Variants in SCP2 observed in about 807,000 individuals in gnomAD.
SCP2 encodes the protein SCP-2/3-oxoacyl-CoA thiolase.
A neutral mutation model predicts 71.4 loss-of-function variants in SCP2; 48 were observed. The ratio of observed to expected loss-of-function variants is 0.67; its 90% CI spans 0.53 to 0.86. The LOEUF is 0.86. Ranked by LOEUF, SCP2 falls within the 40% of genes least tolerant of loss-of-function variation. The pLI, the probability that SCP2 is intolerant of heterozygous loss-of-function variation, is 0.00. For missense variants in SCP2, 560 were observed against 655.6 expected, an observed-to-expected ratio of 0.85 and a Z score of 1.59; for synonymous variants, 220 against 218.1, an observed-to-expected ratio of 1.01 and a Z score of -0.08.
Position 52,996,039 on chromosome 1 carries a change from A to G in SCP2, c.1081+7903A>G, listed in dbSNP as rs1029331904. On this transcript the variant is annotated intron_variant, in intron 11 of 15. Transcript: ENST00000371514. The stretch of plus-strand genomic sequence containing the variant: ...AGAGGAGGCCTAAGGCAGAGCCCCC[A>G]TCGCCTCAGGCTTCTCAGTTCCCTT... The G allele has an allele frequency of 5.5e-6, 7 of 1,283,986 alleles. No homozygotes were observed. The African/African-American group carries it at 7.6e-5, about 14-fold the overall frequency. The allele number at this position is 1,283,986 out of a possible 1,614,324, so 79.5% of individuals were successfully genotyped here.
chr1:52,966,842 G>A (rs1350190770), intron 6 of SCP2, among the ~76,000 whole-genome samples: 1 of 152,010 alleles, frequency 6.6e-6, no homozygotes, highest in East Asian at 1.9e-4. Flanking sequence ...GCAGTGAGCC[G>A]AGATCATGCC....
intron 11 of SCP2, among the ~76,000 whole-genome samples, chr1:52,991,388 T>A (rs1364784832): frequency 1.5e-5 from 2 of 137,114 alleles, no homozygotes; most frequent in Non-Finnish European, 2.9e-5. Context: ...AACCTCTTGT[T>A]TTTTTTTTCT....
intron 11 of SCP2, among the ~76,000 whole-genome samples, chr1:53,006,663 C>T (rs1049567811): frequency 6.6e-6 from 1 of 152,168 alleles, no homozygotes; most frequent in Non-Finnish European, 1.5e-5. Context: ...TGGTACCAGC[C>T]ACTGAAAAAA....
In SCP2 at chr1:53,015,021, A is replaced by G; in HGVS notation, c.1213A>G (p.Met405Val). 1 of 1,614,160 alleles carries G rather than the reference A, an allele frequency of 6.2e-7. No homozygotes were observed. The highest frequency in any genetic ancestry group is 8.5e-7 in the Non-Finnish European group (1 of 1,180,004). ...GGAVVVTLYK[M>V]GFPEAASSFR... is the part of the protein sequence containing the mutation. ...AGCTGTGGTTGTAACACTCTACAAGATGGGTTTTCCGGAAGCCGCCAGGTG... is the reference window on the plus strand; with the variant it reads ...AGCTGTGGTTGTAACACTCTACAAGGTGGGTTTTCCGGAAGCCGCCAGGTG... The change falls in exon 12 of 16, where the codon ATG (methionine) becomes GTG (valine). Residue 405 changes from methionine to valine, a missense_variant. By Grantham distance (21) the Met-to-Val change is conservative. Coordinates refer to ENST00000371514, the MANE Select transcript of SCP2 (RefSeq NM_002979.5).
chr1:52,943,893 C>T (rs577202356), intron 2 of SCP2: 22 of 443,548 alleles, frequency 5.0e-5, no homozygotes, highest in African/African-American at 3.9e-4. Flanking sequence ...GATGCTTTAC[C>T]AGTGGTTCAT....
At chr1:52,927,982 T>C (rs1363251298) in intron 1 of SCP2, among the ~76,000 whole-genome samples, 1 of 152,188 alleles carries the variant, frequency 6.6e-6, no homozygotes, top group African/African-American at 2.4e-5. Flanking sequence ...CGTTTTCCCC[T>C]CATCGCCCGC....
At chr1:52,994,170 G>T in intron 11 of SCP2, 1 of 1,038,026 alleles carries the variant, frequency 9.6e-7, no homozygotes, top group Non-Finnish European at 1.2e-6. Flanking sequence ...TGTTGATTTT[G>T]TTGCTAATGG....
chr1:52,932,021 G>A (rs994213201), intron 1 of SCP2, among the ~76,000 whole-genome samples: 9 of 151,952 alleles, frequency 5.9e-5, no homozygotes, highest in Non-Finnish European at 8.8e-5. Context: ...AGAAGATAAC[G>A]TAAAGGAAAT....
chr1:53,026,214 TG>T (rs36010324), intron 12 of SCP2, among the ~76,000 whole-genome samples: 1 of 152,240 alleles, frequency 6.6e-6, no homozygotes, highest in Non-Finnish European at 1.5e-5. Flanking sequence ...TCAGTATACT[TG>T]GGATATCCAT....
chr1:53,009,491 A>G (rs1167251161), intron 11 of SCP2, among the ~76,000 whole-genome samples: 2 of 152,216 alleles, frequency 1.3e-5, no homozygotes, highest in Non-Finnish European at 2.9e-5. Context: ...CAACCATCTG[A>G]TCTTTGACAA....
intron 13 of SCP2, among the ~76,000 whole-genome samples, chr1:53,035,103 C>T (rs1662833488): frequency 1.4e-5 from 2 of 143,348 alleles, no homozygotes; most frequent in South Asian, 2.2e-4. Context: ...GAGACTCTGT[C>T]TCAAAGAAAA....
intron 11 of SCP2, among the ~76,000 whole-genome samples, chr1:53,006,881 G>C (rs1305307119): frequency 1.3e-5 from 2 of 151,054 alleles, no homozygotes; most frequent in Admixed American, 1.3e-4. Flanking sequence ...GTATTCAGGA[G>C]ACCCATCTCA....
At chr1:52,976,995 C>G (rs1283834870) in intron 8 of SCP2, among the ~76,000 whole-genome samples, 1 of 152,098 alleles carries the variant, frequency 6.6e-6, no homozygotes, top group Non-Finnish European at 1.5e-5. Flanking sequence ...CTTCTTCTTG[C>G]AGGACTTCTA....
chr1:52,943,134 C>T (rs1047021855), intron 2 of SCP2, among the ~76,000 whole-genome samples: 1 of 151,708 alleles, frequency 6.6e-6, no homozygotes, highest in African/African-American at 2.4e-5. Flanking sequence ...CCTTTGACTC[C>T]ATGGAAAAAA....
chr1:53,006,445 A>G (rs1446526320), intron 11 of SCP2, among the ~76,000 whole-genome samples: 3 of 152,246 alleles, frequency 2.0e-5, no homozygotes. Context: ...CAGAAACTCT[A>G]CAAGCCAGAA....
At chr1:53,044,439 A>G (rs1300035624) in intron 14 of SCP2, among the ~76,000 whole-genome samples, 1 of 152,154 alleles carries the variant, frequency 6.6e-6, no homozygotes, top group Admixed American at 6.5e-5. Flanking sequence ...AAATTCACAT[A>G]ATCTATTAAT....
chr1:53,008,816 A>G (rs1557604912), intron 11 of SCP2, among the ~76,000 whole-genome samples: 2 of 152,204 alleles, frequency 1.3e-5, no homozygotes, highest in South Asian at 2.1e-4. Context: ...AGGGTATTCA[A>G]TTCGGAAAAG....
intron 3 of SCP2, 132 bp from the exon 4 acceptor site, chr1:52,950,623 C>A (rs1293255593): frequency 4.2e-6 from 3 of 717,774 alleles, no homozygotes; most frequent in Admixed American, 2.2e-5. Flanking sequence ...AAAACTGTTT[C>A]TAAGATATTT....
chr1:53,022,030 G>A (rs1661786111), intron 12 of SCP2, among the ~76,000 whole-genome samples: 1 of 152,124 alleles, frequency 6.6e-6, no homozygotes, highest in Non-Finnish European at 1.5e-5. Context: ...TTAAGTGTAC[G>A]TTCAGTGGTT....
Sources: gnomAD v4.1 joint callset for allele counts (sites outside exome capture counted in the v4.1 genomes callset) on GRCh38, gnomAD v4.1.1 for gene constraint, MANE v1.5 for transcripts, NCBI Gene and HGNC (gene_info 2026-07-23, HGNC 2026-07-21) for gene names.